FHIP1A: variants seen among roughly 807,000 people sequenced by gnomAD.
FHIP1A encodes FHF complex subunit HOOK interacting protein 1A.
Under a neutral mutation model 88.6 loss-of-function variants are expected in FHIP1A, and 61 were observed. The observed-to-expected ratio is 0.69, with a 90% CI of 0.56 to 0.85. The LOEUF (loss-of-function observed/expected upper bound fraction) is 0.85. FHIP1A is among the 40% of genes least tolerant of loss of function. The pLI is 0.00. For synonymous variants in FHIP1A, 478 were observed against 496.0 expected, an observed-to-expected ratio of 0.96 and a Z score of 0.48; for missense variants, 1,154 against 1,273.5, an observed-to-expected ratio of 0.91 and a Z score of 1.43.
rs1432013972 is a variant in FHIP1A at position 151,669,279 on chromosome 4, C to G, written c.*6525C>G. ...CAAGACAACAGGCAGTTTGTCAGAG[C>G]TGAATGAGAATCAGCCTGGACAAAT... On this transcript the variant is annotated 3_prime_UTR_variant, in exon 14 of 14. Transcript: ENST00000435205. Among the ~76,000 whole-genome samples, 3 of 152,214 alleles carry G rather than the reference C, an allele frequency of 2.0e-5. No individual in the cohort carries two copies. The highest frequency in any genetic ancestry group is 2.9e-5 in the Non-Finnish European group (2 of 68,044).
intron 11 of FHIP1A, among the ~76,000 whole-genome samples, chr4:151,654,099 C>A (rs1737140054): frequency 6.8e-6 from 1 of 147,926 alleles, no homozygotes; most frequent in African/African-American, 2.5e-5. Flanking sequence ...GTGCTAGAAA[C>A]TAAGAATAAA....
At chr4:151,543,262 ACTGTACTGTAAAC>A (rs1171566216) in intron 3 of FHIP1A, among the ~76,000 whole-genome samples, 1 of 152,188 alleles carries the variant, frequency 6.6e-6, no homozygotes, top group Non-Finnish European at 1.5e-5. Flanking sequence ...GCTCTTAAGC[ACTGTACTGTAAAC>A]CTAAATTCTC....
At chr4:151,558,120 A>C (rs776783646) in intron 3 of FHIP1A, among the ~76,000 whole-genome samples, 1 of 152,228 alleles carries the variant, frequency 6.6e-6, no homozygotes, top group Non-Finnish European at 1.5e-5. Context: ...TATTTTAAAG[A>C]GGAAGTCTAA....
At chr4:151,485,826 C>T (rs927915188) in intron 3 of FHIP1A, among the ~76,000 whole-genome samples, 3 of 152,060 alleles carry the variant, frequency 2.0e-5, no homozygotes, top group Non-Finnish European at 2.9e-5. Flanking sequence ...TGAGTTCAAG[C>T]AATCTGCCCG....
chr4:151,640,969 GA>G (rs1462710127), intron 9 of FHIP1A, among the ~76,000 whole-genome samples: 4 of 152,056 alleles, frequency 2.6e-5, no homozygotes, highest in African/African-American at 4.8e-5. Context: ...TCAAGTCAGG[GA>G]TAGTCATTTC....
chr4:151,557,644 A>C (rs546314762), intron 3 of FHIP1A, among the ~76,000 whole-genome samples: 1 of 152,318 alleles, frequency 6.6e-6, no homozygotes, highest in East Asian at 1.9e-4. Flanking sequence ...CCCCATAGAG[A>C]CAGCTTCTCT....
At chr4:151,612,686 A>G (rs1392734785) in intron 7 of FHIP1A, among the ~76,000 whole-genome samples, 1 of 152,186 alleles carries the variant, frequency 6.6e-6, no homozygotes, top group African/African-American at 2.4e-5. Flanking sequence ...TCAGTCTCCC[A>G]TATTAATTTT....
At chr4:151,420,423 C>T (rs982492649) in intron 1 of FHIP1A, among the ~76,000 whole-genome samples, 2 of 152,174 alleles carry the variant, frequency 1.3e-5, no homozygotes, top group Non-Finnish European at 2.9e-5. Context: ...TTCTTGAACA[C>T]ACCCTACCTC....
chr4:151,432,215 G>C (rs1005815154), intron 1 of FHIP1A, among the ~76,000 whole-genome samples: 2 of 152,160 alleles, frequency 1.3e-5, no homozygotes, highest in Admixed American at 6.5e-5. Flanking sequence ...AGGTTATCAA[G>C]ATCACCAACT....
intron 3 of FHIP1A, among the ~76,000 whole-genome samples, chr4:151,543,167 A>G (rs528357424): frequency 9.2e-5 from 14 of 152,348 alleles, no homozygotes; most frequent in African/African-American, 3.4e-4. Context: ...ACTGAGGCAC[A>G]GAGGTGGAGT....
chr4:151,658,166 G>T (rs1215638575), intron 13 of FHIP1A, among the ~76,000 whole-genome samples: 2 of 152,210 alleles, frequency 1.3e-5, no homozygotes, highest in Non-Finnish European at 2.9e-5. Context: ...AGACACATGG[G>T]TGGTAAGTGT....
intron 1 of FHIP1A, among the ~76,000 whole-genome samples, chr4:151,418,254 C>G (rs547483012): frequency 1.3e-5 from 2 of 150,454 alleles, no homozygotes; most frequent in East Asian, 3.9e-4. Context: ...GAAACACCAA[C>G]TGACTTGATA....
intron 7 of FHIP1A, among the ~76,000 whole-genome samples, chr4:151,624,564 C>T (rs1159712537): frequency 6.6e-6 from 1 of 152,178 alleles, no homozygotes; most frequent in East Asian, 1.9e-4. Flanking sequence ...TAATGTATTA[C>T]AGATCCATTG....
intron 4 of FHIP1A, among the ~76,000 whole-genome samples, chr4:151,570,415 C>G (rs947472662): frequency 2.0e-5 from 3 of 152,154 alleles, no homozygotes; most frequent in Admixed American, 1.3e-4. Flanking sequence ...CCTGAGTATT[C>G]TATCACTCTT....
chr4:151,585,355 T>C (rs1734172332), intron 5 of FHIP1A, among the ~76,000 whole-genome samples: 1 of 152,084 alleles, frequency 6.6e-6, no homozygotes, highest in Non-Finnish European at 1.5e-5. Context: ...AAATTTTGTA[T>C]TTTTAGTAAA....
At chr4:151,518,254 C>T (rs1366064734) in intron 3 of FHIP1A, among the ~76,000 whole-genome samples, 1 of 152,066 alleles carries the variant, frequency 6.6e-6, no homozygotes, top group African/African-American at 2.4e-5. Flanking sequence ...TTACAGTTGC[C>T]TGCAATATTC....
At chr4:151,539,560 T>C (rs1732195696) in intron 3 of FHIP1A, among the ~76,000 whole-genome samples, 1 of 110,762 alleles carries the variant, frequency 9.0e-6, no homozygotes, top group Non-Finnish European at 1.9e-5. Flanking sequence ...GGAGACTCTG[T>C]CTAAAAAAAA....
rs934688025 is a variant in FHIP1A, at chr4:151,668,987, A to T, written c.*6233A>T. On this transcript the variant is annotated 3_prime_UTR_variant, in exon 14 of 14. Coordinates refer to ENST00000435205, the MANE Select transcript of FHIP1A (RefSeq NM_001109977.3). ...GGCAATGGCATCACCTGTGGTGCCAACTCATACATTTTAATGAGATTTCTC... is the reference window on the plus strand; with the variant it reads ...GGCAATGGCATCACCTGTGGTGCCATCTCATACATTTTAATGAGATTTCTC... Among the ~76,000 whole-genome samples, 3 of 152,206 alleles carry T rather than the reference A, an allele frequency of 2.0e-5. No individual in the cohort carries two copies. The highest frequency in any genetic ancestry group is 7.2e-5 in the African/African-American group (3 of 41,446).
intron 1 of FHIP1A, among the ~76,000 whole-genome samples, chr4:151,425,489 A>C (rs1733328892): frequency 6.6e-6 from 1 of 152,230 alleles, no homozygotes; most frequent in Non-Finnish European, 1.5e-5. Context: ...TGGATGGTAG[A>C]TAAATTAAGG....
Sources: allele counts gnomAD v4.1 joint callset (sites outside exome capture counted in the v4.1 genomes callset), GRCh38; gene constraint gnomAD v4.1.1; transcripts MANE v1.5; gene names NCBI Gene and HGNC (gene_info 2026-07-23, HGNC 2026-07-21).